HECW2: variants seen among roughly 807,000 people sequenced by gnomAD.
The protein encoded by HECW2 is HECT, C2 and WW domain containing E3 ubiquitin protein ligase 2, also known as E3 ubiquitin-protein ligase HECW2.
A neutral mutation model predicts 175.2 loss-of-function variants in HECW2; 61 were observed. The ratio of observed to expected loss-of-function variants is 0.35; its 90% CI spans 0.28 to 0.43. HECW2 has a LOEUF of 0.43. Among genes scored for constraint, HECW2 ranks in the 20% least tolerant of loss-of-function variants. The probability of loss-of-function intolerance (pLI) is 1.00; values close to 1 mark genes in which losing one functional copy is unlikely to be tolerated. For missense variants in HECW2, 1,524 were observed against 2,000.5 expected, an observed-to-expected ratio of 0.76 and a Z score of 4.54; for synonymous variants, 671 against 731.0, an observed-to-expected ratio of 0.92 and a Z score of 1.32.
At chr2:196,324,959 G>A in intron 6 of HECW2, 21 bp downstream of exon 6, 1 of 1,531,810 alleles carries the variant, frequency 6.5e-7, no homozygotes, top group Non-Finnish European at 8.7e-7. Context: ...TCAAGTAGGA[G>A]ACCCCCGAGG....
chr2:196,344,590 C>T (rs944172436), intron 2 of HECW2, among the ~76,000 whole-genome samples: 7 of 152,106 alleles, frequency 4.6e-5, no homozygotes, highest in Admixed American at 1.3e-4. Flanking sequence ...CTATAATTTG[C>T]TCACATTACA....
chr2:196,434,225 T>TA (rs1695804777), intron 1 of HECW2, among the ~76,000 whole-genome samples: 2 of 152,244 alleles, frequency 1.3e-5, no homozygotes, highest in African/African-American at 4.8e-5. Context: ...TACATGTCGA[T>TA]AAATATTTGT....
intron 1 of HECW2, among the ~76,000 whole-genome samples, chr2:196,516,506 T>C (rs566156739): frequency 1.3e-5 from 2 of 152,360 alleles, no homozygotes; most frequent in East Asian, 3.9e-4. Context: ...AATTTAATTG[T>C]GTCTGTTGAA....
chr2:196,362,415 C>A (rs1159975970), intron 2 of HECW2, among the ~76,000 whole-genome samples: 4 of 150,700 alleles, frequency 2.7e-5, no homozygotes, highest in Non-Finnish European at 4.4e-5. Context: ...TGACTGCAAT[C>A]CCAGAAAGGG....
intron 1 of HECW2, among the ~76,000 whole-genome samples, chr2:196,498,318 T>C (rs1410581126): frequency 2.6e-5 from 4 of 152,228 alleles, no homozygotes; most frequent in Non-Finnish European, 4.4e-5. Flanking sequence ...TCTTATTGCA[T>C]GACTACATCA....
chr2:196,224,540 A>G (rs903840307), intron 23 of HECW2, among the ~76,000 whole-genome samples: 2 of 152,086 alleles, frequency 1.3e-5, no homozygotes, highest in African/African-American at 4.8e-5. Flanking sequence ...AAAAAAAAGA[A>G]CCCGCAAAGT....
intron 1 of HECW2, among the ~76,000 whole-genome samples, chr2:196,512,198 G>A (rs982865809): frequency 6.6e-6 from 1 of 152,154 alleles, no homozygotes; most frequent in Non-Finnish European, 1.5e-5. Flanking sequence ...CAGGACCCAC[G>A]GGGCCAAACA....
rs565901602 is a variant in HECW2 at position 196,379,083 on chromosome 2, A to T, written c.293-35319T>A. Among the ~76,000 whole-genome samples, 5 of 152,210 alleles carry T rather than the reference A, an allele frequency of 3.3e-5. No individual in the cohort carries two copies. In the South Asian group the frequency reaches 1.0e-3, roughly 32 times the overall value. On this transcript the variant is annotated intron_variant, in intron 2 of 28. Coordinates refer to ENST00000644978, the MANE Select transcript of HECW2 (RefSeq NM_001348768.2). Reference sequence around the variant, plus strand: ...TTAAAAGACAATACCAGTGAGCAAAAAAAAAAACAAATCCTGAATGTGAGA... The same window carrying T: ...TTAAAAGACAATACCAGTGAGCAAATAAAAAAACAAATCCTGAATGTGAGA...
intron 1 of HECW2, among the ~76,000 whole-genome samples, chr2:196,541,652 A>C (rs1350823742): frequency 6.6e-6 from 1 of 152,160 alleles, no homozygotes; most frequent in East Asian, 1.9e-4. Flanking sequence ...AGTGTGCATA[A>C]GGAATAATTC....
At chr2:196,432,466 C>A (rs532751125) in intron 2 of HECW2, among the ~76,000 whole-genome samples, 1 of 152,142 alleles carries the variant, frequency 6.6e-6, no homozygotes, top group African/African-American at 2.4e-5. Flanking sequence ...TGGCAGACAT[C>A]GTACTTTTTG....
intron 2 of HECW2, among the ~76,000 whole-genome samples, chr2:196,377,109 C>T (rs1288036148): frequency 1.3e-5 from 2 of 152,050 alleles, no homozygotes; most frequent in African/African-American, 4.8e-5. Context: ...CAAAGAGAAA[C>T]CAGGTTGGCC....
intron 1 of HECW2, among the ~76,000 whole-genome samples, chr2:196,556,921 A>G (rs1294368528): frequency 2.6e-5 from 4 of 152,256 alleles, no homozygotes; most frequent in African/African-American, 4.8e-5. Context: ...AAGAGTTGAT[A>G]GCCTTAAAAA....
chr2:196,255,717 G>A (rs1410812093), intron 18 of HECW2, among the ~76,000 whole-genome samples: 10 of 152,182 alleles, frequency 6.6e-5, no homozygotes, highest in Non-Finnish European at 1.3e-4. Context: ...TTATGTAAGT[G>A]ACAAGTATGC....
rs564210893 is a variant in HECW2 at position 196,223,084 on chromosome 2, A to G, written c.4017-744T>C. 2.0e-5 allele frequency among the ~76,000 whole-genome samples: 3 copies of G among 152,276 alleles called. No individual in the cohort carries two copies. The East Asian group carries it at 5.8e-4, about 29-fold the overall frequency. ...TTAAGGGTCATTTTTTTTCAGTTCA[A>G]TCTGAACATTCATTAGGCATCAAGC... is the stretch of plus-strand genomic sequence containing the variant. On this transcript the variant is annotated intron_variant, in intron 23 of 28. Coordinates refer to ENST00000644978, the MANE Select transcript of HECW2 (RefSeq NM_001348768.2).
intron 10 of HECW2, 27 bp from the exon 11 acceptor site, chr2:196,308,112 A>C: frequency 6.6e-7 from 1 of 1,522,238 alleles, no homozygotes; most frequent in Non-Finnish European, 8.9e-7. Context: ...CACCGAAAGG[A>C]ATTAGGAGGA....
At chr2:196,275,461 G>T (rs1689908137) in intron 15 of HECW2, among the ~76,000 whole-genome samples, 1 of 151,946 alleles carries the variant, frequency 6.6e-6, no homozygotes, top group Non-Finnish European at 1.5e-5. Flanking sequence ...TAAGAATGCG[G>T]GAAATGTGTG....
chr2:196,525,766 G>T (rs1448427941), intron 1 of HECW2, among the ~76,000 whole-genome samples: 5 of 145,292 alleles, frequency 3.4e-5, no homozygotes, highest in Non-Finnish European at 6.0e-5. Context: ...TGAAATTCTG[G>T]GTTGAAAATT....
intron 19 of HECW2, among the ~76,000 whole-genome samples, chr2:196,248,966 G>A (rs1393305832): frequency 6.6e-6 from 1 of 152,150 alleles, no homozygotes; most frequent in Non-Finnish European, 1.5e-5. Flanking sequence ...CAAGAGCTCT[G>A]CATCATGATT....
chr2:196,233,731 AT>A (rs1688139236), intron 21 of HECW2, among the ~76,000 whole-genome samples: 1 of 152,230 alleles, frequency 6.6e-6, no homozygotes, highest in African/African-American at 2.4e-5. Context: ...AATTTAGGTT[AT>A]CCTGTGAATG....
Sources: gnomAD v4.1 joint callset for allele counts (sites outside exome capture counted in the v4.1 genomes callset) on GRCh38, gnomAD v4.1.1 for gene constraint, MANE v1.5 for transcripts, NCBI Gene and HGNC (gene_info 2026-07-23, HGNC 2026-07-21) for gene names.